The following DNA2 variants were observed in gnomAD, a reference collection of about 807,000 sequenced individuals.
The protein encoded by DNA2 is DNA replication ATP-dependent helicase/nuclease DNA2.
DNA2 carries 101 observed loss-of-function variants against 119.1 expected under a neutral mutation model. The observed-to-expected ratio is 0.85, with a 90% CI of 0.72 to 1.00. The LOEUF is 1.00. Ranked by LOEUF, DNA2 falls within the 50% of genes least tolerant of loss-of-function variation. The probability of loss-of-function intolerance (pLI) is 0.00; values close to 1 mark genes in which losing one functional copy is unlikely to be tolerated. For missense variants in DNA2, 1,121 were observed against 1,255.5 expected, an observed-to-expected ratio of 0.89 and a Z score of 1.62; for synonymous variants, 366 against 424.4, an observed-to-expected ratio of 0.86 and a Z score of 1.69.
At chr10:68,454,065 T>C (rs2052153957) in intron 5 of DNA2, among the ~76,000 whole-genome samples, 1 of 152,158 alleles carries the variant, frequency 6.6e-6, no homozygotes, top group South Asian at 2.1e-4. Context: ...ATCCTAAGCC[T>C]TCTTCAACAG....
intron 17 of DNA2, among the ~76,000 whole-genome samples, chr10:68,421,617 G>A (rs182945517): frequency 6.4e-4 from 97 of 151,998 alleles, no homozygotes; most frequent in Non-Finnish European, 1.0e-3. Flanking sequence ...GTCTGGTGTG[G>A]TGGTGGGTGC....
intron 20 of DNA2, 98 bp from the exon 21 acceptor site, chr10:68,415,205 C>CAAA: frequency 2.0e-6 from 1 of 510,330 alleles, no homozygotes; most frequent in Non-Finnish European, 3.3e-6. Context: ...TACAGGACCA[C>CAAA]AAAAAAAAAA....
chr10:68,449,881 C>G (rs780841649), intron 6 of DNA2, 147 bp downstream of exon 6: 7 of 615,368 alleles, frequency 1.1e-5, no homozygotes, highest in South Asian at 2.0e-5. Flanking sequence ...CCATTGCACT[C>G]CAGCCTGGCA....
In DNA2 at chr10:68,422,353, C is replaced by G; in HGVS notation, c.2569G>C (p.Val857Leu). ...TCTTTAAAGTGACGTAGGTTTATCA[C>G]TGCATTGGCCACTTTGTCTGATCCA... ...ECGSDKVANA[V>L]INLRHFKDVK... The change falls in exon 17 of 21, where the codon GTG (valine) becomes CTG (leucine). Residue 857 changes from valine to leucine, a missense_variant. By Grantham distance (32) the Val-to-Leu change is conservative. Coordinates refer to ENST00000358410, the MANE Select transcript of DNA2 (RefSeq NM_001080449.3). The G allele has an allele frequency of 6.2e-7, 1 of 1,613,900 alleles. No homozygotes were observed. The highest frequency in any genetic ancestry group is 8.5e-7 in the Non-Finnish European group (1 of 1,179,870).
intron 2 of DNA2, among the ~76,000 whole-genome samples, 196 bp from the exon 3 acceptor site, chr10:68,468,502 C>G (rs1419559003): frequency 6.6e-6 from 1 of 152,066 alleles, no homozygotes; most frequent in Non-Finnish European, 1.5e-5. Flanking sequence ...TATTCTACCC[C>G]TTTCTATGTG....
chr10:68,456,958 C>A (rs1030072263), intron 5 of DNA2, among the ~76,000 whole-genome samples: 3 of 151,678 alleles, frequency 2.0e-5, no homozygotes, highest in East Asian at 2.0e-4. Context: ...CACGGTGAAA[C>A]CCCGGCTCTA....
rs2051567313 is a variant in DNA2, at chr10:68,414,802, T to C, written c.*237A>G. ...AATGTCTGACTTAAAAGTTTAAAGC[T>C]CAAAGTCAAAAGTTAATCCATCTTC... On this transcript the variant is annotated 3_prime_UTR_variant, in exon 21 of 21. Transcript: ENST00000358410. 1 of 394,734 alleles carries C rather than the reference T, an allele frequency of 2.5e-6. No homozygotes were observed. The highest frequency in any genetic ancestry group is 4.7e-6 in the Non-Finnish European group (1 of 214,188). The allele number at this position is 394,734 out of a possible 1,614,324, so 24.5% of individuals were successfully genotyped here.
At chr10:68,430,794 T>C in intron 13 of DNA2, 134 bp from the exon 14 acceptor site, 1 of 659,490 alleles carries the variant, frequency 1.5e-6, no homozygotes, top group African/African-American at 1.8e-5. Context: ...CAAAACATTT[T>C]ACAAAAATTA....
intron 17 of DNA2, 38 bp downstream of exon 17, chr10:68,422,187 C>A: frequency 6.9e-7 from 1 of 1,441,608 alleles, no homozygotes; most frequent in Non-Finnish European, 9.3e-7. Context: ...AATAATAGGA[C>A]AAAATGAGAA....
chr10:68,444,519 G>A (rs1213713158), intron 8 of DNA2, among the ~76,000 whole-genome samples: 2 of 152,100 alleles, frequency 1.3e-5, no homozygotes, highest in East Asian at 3.8e-4. Context: ...GAGTTCGGGA[G>A]TTGGAGACCA....
At chr10:68,472,232 CTACAG>C, upstream of DNA2, 14 of 1,195,316 alleles carry the variant, frequency 1.2e-5, no homozygotes, top group South Asian at 2.1e-4. Flanking sequence ...GTAGCTGGGA[CTACAG>C]GCGCCCAGCT....
chr10:68,431,791 A>G (rs1288383008), intron 13 of DNA2, 71 bp downstream of exon 13: 17 of 1,015,082 alleles, frequency 1.7e-5, no homozygotes, highest in East Asian at 2.5e-5. Context: ...GATATTCAAT[A>G]TTACATCCTC....
chr10:68,415,691 C>T (rs1004040564), intron 20 of DNA2, among the ~76,000 whole-genome samples: 1 of 151,940 alleles, frequency 6.6e-6, no homozygotes, highest in African/African-American at 2.4e-5. Flanking sequence ...TTTTTTGAGA[C>T]GGAGTCTCGC....
Position 68,449,891 on chromosome 10 carries a change from A to G in DNA2, c.939+137T>C, listed in dbSNP as rs7911862. The G allele has an allele frequency of 0.22, 140,939 of 628,398 alleles. 19,109 individuals are homozygous for G. The highest frequency in any genetic ancestry group is 0.42 in the East Asian group (15,084 of 35,860). 38.9% of individuals were successfully genotyped at this position (628,398 alleles called of 1,614,324 possible). A position where few individuals can be genotyped will look rare whatever the true frequency, so the allele number is the denominator to read the frequency against. On this transcript the variant is annotated intron_variant, in intron 6 of 20. Transcript: ENST00000358410. Reference sequence around the variant, plus strand: ...TCACACCATTGCACTCCAGCCTGGCATGAACCCAGGAGGCGGAGCTTTCAG... The same window carrying G: ...TCACACCATTGCACTCCAGCCTGGCGTGAACCCAGGAGGCGGAGCTTTCAG...
At chr10:68,461,828 C>CAAAAAAAAAAAAA (rs554059657) in intron 4 of DNA2, among the ~76,000 whole-genome samples, 13 of 70,290 alleles carry the variant, frequency 1.8e-4, no homozygotes, top group African/African-American at 5.0e-4. Flanking sequence ...AACTCCGTCT[C>CAAAAAAAAAAAAA]AAAAAAAAAA....
At chr10:68,415,756 C>T (rs1203601911) in intron 20 of DNA2, among the ~76,000 whole-genome samples, 4 of 151,208 alleles carry the variant, frequency 2.6e-5, no homozygotes, top group South Asian at 4.2e-4. Context: ...CGGGTGCAAG[C>T]GATTCTCCTG....
intron 5 of DNA2, among the ~76,000 whole-genome samples, chr10:68,457,914 C>T (rs935806044): frequency 3.3e-5 from 5 of 151,950 alleles, no homozygotes; most frequent in Admixed American, 2.0e-4. Flanking sequence ...GCCTCATGCC[C>T]GTAATCCCAG....
At chr10:68,442,766 AC>A in intron 9 of DNA2, 150 bp downstream of exon 9, 1 of 645,344 alleles carries the variant, frequency 1.5e-6, no homozygotes, top group South Asian at 2.2e-5. Context: ...CTTCTTAGAA[AC>A]AATAGAGAGC....
Position 68,432,256 on chromosome 10 carries a change from C to T in DNA2, c.1823G>A (p.Ser608Asn), listed in dbSNP as rs372702219. ...FREPQFISYL[S>N]SVLPHDAKDT... Reference sequence around the variant, plus strand: ...CTTTGCATCATGTGGAAGAACAGAACTAAGGTAGGATATAAACTGAGGTTC... The same window carrying T: ...CTTTGCATCATGTGGAAGAACAGAATTAAGGTAGGATATAAACTGAGGTTC... The change falls in exon 12 of 21, where the codon AGT becomes AAT. Residue 608 changes from serine to asparagine, a missense_variant. Ser to Asn is a conservative substitution (Grantham distance 46). Coordinates refer to ENST00000358410, the MANE Select transcript of DNA2 (RefSeq NM_001080449.3). 11 of 1,609,616 alleles carry T rather than the reference C, an allele frequency of 6.8e-6. No homozygotes were observed. In the African/African-American group the frequency reaches 1.2e-4, roughly 18 times the overall value.
Sources: gnomAD v4.1 joint callset for allele counts (sites outside exome capture counted in the v4.1 genomes callset) on GRCh38, gnomAD v4.1.1 for gene constraint, MANE v1.5 for transcripts, NCBI Gene and HGNC (gene_info 2026-07-23, HGNC 2026-07-21) for gene names.